KCNJ3: variants seen among roughly 807,000 people sequenced by gnomAD.
The protein encoded by KCNJ3 is G protein-activated inward rectifier potassium channel 1.
In KCNJ3, 4 loss-of-function variants were observed where a neutral mutation model predicts 39.2. The observed-to-expected ratio is 0.10, with a 90% CI of 0.05 to 0.23. The LOEUF (loss-of-function observed/expected upper bound fraction) is 0.23, where lower values mean the gene tolerates loss of function less well. Ranked by LOEUF, KCNJ3 falls within the 10% of genes least tolerant of loss-of-function variation. The pLI is 1.00. For missense variants in KCNJ3, 276 were observed against 634.9 expected, an observed-to-expected ratio of 0.43 and a Z score of 6.08; for synonymous variants, 230 against 237.4, an observed-to-expected ratio of 0.97 and a Z score of 0.29.
At chr2:154,726,749 T>A (rs955279199) in intron 2 of KCNJ3, among the ~76,000 whole-genome samples, 2 of 127,030 alleles carry the variant, frequency 1.6e-5, no homozygotes, top group African/African-American at 2.9e-5. Context: ...ATAAAGAAAA[T>A]GTGTATATAT....
At chr2:154,710,540 GC>G (rs1293511966) in intron 2 of KCNJ3, among the ~76,000 whole-genome samples, 1 of 152,170 alleles carries the variant, frequency 6.6e-6, no homozygotes, top group South Asian at 2.1e-4. Flanking sequence ...ATTATTTGGG[GC>G]CTACACATTG....
Position 154,857,341 on chromosome 2 carries a change from C to A in KCNJ3, c.*2028C>A, listed in dbSNP as rs775487546. On this transcript the variant is annotated 3_prime_UTR_variant, in exon 3 of 3. Coordinates refer to ENST00000295101, the MANE Select transcript of KCNJ3 (RefSeq NM_002239.4). ...AGAGCCATAATTTACTTTGGAGAGT[C>A]ATTTTAATTTGTCTTTGGTACCAAG... is the stretch of plus-strand genomic sequence containing the variant. The A allele has an allele frequency of 2.6e-5, 4 of 152,100 alleles. No individual in the cohort carries two copies. The highest frequency in any genetic ancestry group is 2.9e-5 in the Non-Finnish European group (2 of 68,022). 9.4% of individuals were successfully genotyped at this position (152,100 alleles called of 1,614,324 possible).
chr2:154,736,364 T>C lies in KCNJ3; in HGVS notation c.919+26545T>C, dbSNP rs372838333. On this transcript the variant is annotated intron_variant, in intron 2 of 2. Coordinates refer to ENST00000295101, the MANE Select transcript of KCNJ3 (RefSeq NM_002239.4). The stretch of plus-strand genomic sequence containing the variant: ...TTAGAGTGGAAGAGAGTGACAGGAG[T>C]CACTAGTTCTAAAAAAAAAAAAAAA... Among the ~76,000 whole-genome samples the C allele has an allele frequency of 8.5e-5, 8 of 94,326 alleles. No homozygotes were observed. In the East Asian group the frequency reaches 2.0e-3, roughly 24 times the overall value. 61.9% of individuals were successfully genotyped at this position (94,326 alleles called of 152,430 possible).
rs1553463153 is a variant in KCNJ3, at chr2:154,855,486, C to T, written c.*173C>T. 5 of 563,200 alleles carry T rather than the reference C, an allele frequency of 8.9e-6. No individual in the cohort carries two copies. The highest frequency in any genetic ancestry group is 5.7e-5 in the East Asian group (2 of 35,182). The allele number at this position is 563,200 out of a possible 1,614,324, so 34.9% of individuals were successfully genotyped here. ...GCGAATGTGCAGAAAGCAACAGTTA[C>T]GGAGGGAGGACATCATAAGGAAGTT... is the stretch of plus-strand genomic sequence containing the variant. On this transcript the variant is annotated 3_prime_UTR_variant, in exon 3 of 3. Transcript: ENST00000295101.
rs998493903 is a variant in KCNJ3 at position 154,856,972 on chromosome 2, T to G, written c.*1659T>G. On this transcript the variant is annotated 3_prime_UTR_variant, in exon 3 of 3. Coordinates refer to ENST00000295101, the MANE Select transcript of KCNJ3 (RefSeq NM_002239.4). The stretch of plus-strand genomic sequence containing the variant: ...TAGTTTGGGCTCTCATTATTTCCTG[T>G]TTTTTAACAATTTTGTGATAATTTT... 1 of 152,104 alleles carries G rather than the reference T, an allele frequency of 6.6e-6. No homozygotes were observed. Among genetic ancestry groups the G allele is most frequent in the Non-Finnish European group, 1.5e-5 (1 of 67,984 alleles). The allele number at this position is 152,104 out of a possible 1,614,324, so 9.4% of individuals were successfully genotyped here. A position where few individuals can be genotyped will look rare whatever the true frequency, so the allele number is the denominator to read the frequency against.
At chr2:154,755,600 C>G (rs922807965) in intron 2 of KCNJ3, among the ~76,000 whole-genome samples, 7 of 149,710 alleles carry the variant, frequency 4.7e-5, no homozygotes, top group African/African-American at 1.7e-4. Context: ...TGACCATGGT[C>G]AGCATTTTAT....
chr2:154,855,008 T>C lies in KCNJ3; in HGVS notation c.1201T>C (p.Ser401Pro). The C allele has an allele frequency of 3.7e-6, 6 of 1,614,038 alleles. No individual in the cohort carries two copies. Among genetic ancestry groups the C allele is most frequent in the Non-Finnish European group, 5.1e-6 (6 of 1,179,952 alleles). ...AGATGATATTACTACAAAACTACCA[T>C]CTAAGCTGCAGAAAATTACTGGAAG... Reference protein sequence around the residue: ...GLDDITTKLPSKLQKITGRED... With the variant: ...GLDDITTKLPPKLQKITGRED... Residue 401 changes from serine to proline, a missense_variant, in exon 3 of 3, where the codon TCT (serine) becomes CCT (proline). Physicochemically the swap from Ser to Pro is moderately conservative, Grantham distance 74. Transcript: ENST00000295101.
intron 2 of KCNJ3, among the ~76,000 whole-genome samples, chr2:154,793,291 C>T (rs982379751): frequency 2.0e-5 from 3 of 151,856 alleles, no homozygotes; most frequent in African/African-American, 7.3e-5. Context: ...TCTTTGCTCA[C>T]CGGAAAATAT....
chr2:154,810,994 C>A (rs1212222096), intron 2 of KCNJ3, among the ~76,000 whole-genome samples: 1 of 152,208 alleles, frequency 6.6e-6, no homozygotes, highest in African/African-American at 2.4e-5. Context: ...ATGTCTCTTG[C>A]ATTCTCTTGT....
Position 154,819,482 on chromosome 2 carries a change from T to C in KCNJ3, c.920-35245T>C, listed in dbSNP as rs571646257. ...CTAAATACTTCTGTGTTTTTCAAAT[T>C]AATGATATATTCTTCTCTAAACACA... On this transcript the variant is annotated intron_variant, in intron 2 of 2. Transcript: ENST00000295101. Among the ~76,000 whole-genome samples, 8 of 152,230 alleles carry C rather than the reference T, an allele frequency of 5.3e-5. No individual in the cohort carries two copies. In the South Asian group the frequency reaches 1.7e-3, roughly 32 times the overall value.
At chr2:154,718,315 G>A (rs755586662) in intron 2 of KCNJ3, among the ~76,000 whole-genome samples, 15 of 152,100 alleles carry the variant, frequency 9.9e-5, no homozygotes, top group Non-Finnish European at 1.8e-4. Context: ...TTTTTATGAG[G>A]AGTTCCTAAA....
At chr2:154,759,958 T>C (rs939658638) in intron 2 of KCNJ3, among the ~76,000 whole-genome samples, 4 of 152,194 alleles carry the variant, frequency 2.6e-5, no homozygotes, top group African/African-American at 9.7e-5. Context: ...GATGTTTCTT[T>C]AGATAAGACA....
chr2:154,830,038 C>T (rs1028496755), intron 2 of KCNJ3, among the ~76,000 whole-genome samples: 2 of 152,082 alleles, frequency 1.3e-5, no homozygotes, highest in Admixed American at 1.3e-4. Flanking sequence ...TGAGGTAACT[C>T]AGAATATAAG....
intron 1 of KCNJ3, among the ~76,000 whole-genome samples, chr2:154,703,669 G>A (rs866604429): frequency 3.1e-4 from 47 of 152,060 alleles, no homozygotes; most frequent in Middle Eastern, 3.4e-3. Context: ...TGAATCACAG[G>A]ATTCCTGCAG....
rs116002706 is a variant in KCNJ3, at chr2:154,734,150, A to T, written c.919+24331A>T. On this transcript the variant is annotated intron_variant, in intron 2 of 2. Coordinates refer to ENST00000295101, the MANE Select transcript of KCNJ3 (RefSeq NM_002239.4). ...ACTTCTAACAGAAAAGAATATTTGC[A>T]TCCCACTTTCATGAAAATTTGCTGA... Among the ~76,000 whole-genome samples, 1,000 of 152,326 alleles carry T rather than the reference A, an allele frequency of 6.6e-3. 12 individuals are homozygous for T. The highest frequency in any genetic ancestry group is 0.023 in the African/African-American group (945 of 41,574).
At chr2:154,773,507 C>G (rs751610527) in intron 2 of KCNJ3, among the ~76,000 whole-genome samples, 1 of 151,990 alleles carries the variant, frequency 6.6e-6, no homozygotes, top group Non-Finnish European at 1.5e-5. Flanking sequence ...ACTTTGTTCT[C>G]GGAATAATTT....
intron 2 of KCNJ3, among the ~76,000 whole-genome samples, chr2:154,764,121 G>C (rs10497143): frequency 0.052 from 7,917 of 152,264 alleles, 222 homozygotes; most frequent in African/African-American, 0.06. Context: ...CTTACTACAT[G>C]ATTGAATTTC....
intron 2 of KCNJ3, among the ~76,000 whole-genome samples, chr2:154,731,603 T>C (rs1306391914): frequency 6.6e-6 from 1 of 152,030 alleles, no homozygotes; most frequent in Non-Finnish European, 1.5e-5. Flanking sequence ...TAACTCATGC[T>C]TTTTTGTTTA....
intron 2 of KCNJ3, among the ~76,000 whole-genome samples, chr2:154,819,524 T>TTTTATTTATTTATTTA (rs570159050): frequency 5.9e-5 from 9 of 151,970 alleles, no homozygotes; most frequent in African/African-American, 2.2e-4. Flanking sequence ...TTTTATTTAT[T>TTTTATTTATTTATTTA]TTTATTTATT....
Sources: gnomAD v4.1 joint callset for allele counts (sites outside exome capture counted in the v4.1 genomes callset) on GRCh38, gnomAD v4.1.1 for gene constraint, MANE v1.5 for transcripts, NCBI Gene and HGNC (gene_info 2026-07-23, HGNC 2026-07-21) for gene names.